ZMAT5: variants seen among roughly 807,000 people sequenced by gnomAD.
ZMAT5 encodes zinc finger matrin-type protein 5.
A neutral mutation model predicts 28.0 loss-of-function variants in ZMAT5; 23 were observed. The observed-to-expected ratio is 0.82, with a 90% CI of 0.59 to 1.16. The LOEUF (loss-of-function observed/expected upper bound fraction) is 1.16, where lower values mean the gene tolerates loss of function less well. Among genes scored for constraint, ZMAT5 ranks in the 50% most tolerant of loss-of-function variants. ZMAT5 has a pLI of 0.00. For synonymous variants in ZMAT5, 76 were observed against 84.1 expected, an observed-to-expected ratio of 0.90 and a Z score of 0.52; for missense variants, 173 against 212.7, an observed-to-expected ratio of 0.81 and a Z score of 1.16.
intron 1 of ZMAT5, among the ~76,000 whole-genome samples, chr22:29,763,313 A>AATAC (rs1204145120): frequency 1.3e-5 from 2 of 148,160 alleles, no homozygotes; most frequent in African/African-American, 2.5e-5. Flanking sequence ...TAAATAAATA[A>AATAC]ATAAATAAGG....
At chr22:29,744,603 T>C (rs1380840857) in intron 2 of ZMAT5, among the ~76,000 whole-genome samples, 1 of 152,078 alleles carries the variant, frequency 6.6e-6, no homozygotes, top group Admixed American at 6.5e-5. Context: ...CTGGGATGAC[T>C]GAGGCAGGCG....
intron 1 of ZMAT5, among the ~76,000 whole-genome samples, chr22:29,755,809 C>A (rs1210471666): frequency 6.6e-6 from 1 of 152,144 alleles, no homozygotes; most frequent in African/African-American, 2.4e-5. Flanking sequence ...TGCCATGGAC[C>A]CCCACATCCC....
intron 2 of ZMAT5, among the ~76,000 whole-genome samples, chr22:29,743,484 G>A (rs556420074): frequency 2.6e-5 from 4 of 152,208 alleles, no homozygotes; most frequent in Non-Finnish European, 5.9e-5. Flanking sequence ...AGGCTGGAGT[G>A]CAGCGGCATG....
chr22:29,764,374 G>C (rs2068187402), intron 1 of ZMAT5, among the ~76,000 whole-genome samples: 1 of 152,170 alleles, frequency 6.6e-6, no homozygotes, highest in South Asian at 2.1e-4. Flanking sequence ...TGGATGTAAA[G>C]CATTTCACAT....
intron 1 of ZMAT5, among the ~76,000 whole-genome samples, chr22:29,749,665 C>T (rs1237362337): frequency 6.6e-6 from 1 of 152,144 alleles, no homozygotes; most frequent in Admixed American, 6.5e-5. Context: ...GCTTTGTATC[C>T]CCACCCAAAT....
chr22:29,742,595 A>G, intron 2 of ZMAT5, 115 bp from the exon 3 acceptor site: 1 of 983,946 alleles, frequency 1.0e-6, no homozygotes, highest in South Asian at 1.4e-5. Flanking sequence ...GTGCAGAAAG[A>G]AGAGTTTCCT....
intron 1 of ZMAT5, among the ~76,000 whole-genome samples, chr22:29,758,250 G>T (rs1334504007): frequency 6.6e-6 from 1 of 152,198 alleles, no homozygotes; most frequent in African/African-American, 2.4e-5. Context: ...CCTCCCAAGA[G>T]ACTCAGCCAG....
intron 2 of ZMAT5, 65 bp from the exon 3 acceptor site, chr22:29,742,545 A>G: frequency 9.9e-6 from 15 of 1,509,034 alleles, no homozygotes; most frequent in Non-Finnish European, 1.4e-5. Context: ...CAGGAAGTGG[A>G]AGCCACAGGG....
intron 5 of ZMAT5, 24 bp downstream of exon 5, chr22:29,738,306 G>A (rs199518084): frequency 6.6e-4 from 1,054 of 1,601,892 alleles, no homozygotes; most frequent in Admixed American, 8.5e-4. Context: ...GGGCACAGCG[G>A]GAGGGAACCC....
At chr22:29,739,552 G>A (rs1443307419) in intron 4 of ZMAT5, among the ~76,000 whole-genome samples, 1 of 152,198 alleles carries the variant, frequency 6.6e-6, no homozygotes, top group Admixed American at 6.5e-5. Context: ...AGAGGACGTG[G>A]CAGAGCTGGG....
chr22:29,736,969 A>G (rs1247622902), intron 5 of ZMAT5, among the ~76,000 whole-genome samples: 4 of 151,278 alleles, frequency 2.6e-5, no homozygotes, highest in Non-Finnish European at 5.9e-5. Context: ...TGGAGTTTGC[A>G]ATGAGACAAT....
In ZMAT5 at chr22:29,754,322, C is replaced by T. The variant is rs559491669; in HGVS notation, c.-27-5751G>A. On this transcript the variant is annotated intron_variant, in intron 1 of 5. Transcript: ENST00000344318. ...GTGCCATCCACCCACTCCCAGGGAC[C>T]AGGTGCACGGCTGCAAAGGCATCTG... is the stretch of plus-strand genomic sequence containing the variant. Among the ~76,000 whole-genome samples, 7 of 152,362 alleles carry T rather than the reference C, an allele frequency of 4.6e-5. No homozygotes were observed. In the South Asian group the frequency reaches 1.4e-3, roughly 32 times the overall value.
chr22:29,744,047 T>C (rs1249714124), intron 2 of ZMAT5, among the ~76,000 whole-genome samples: 1 of 152,158 alleles, frequency 6.6e-6, no homozygotes, highest in Non-Finnish European at 1.5e-5. Context: ...GGGAGGATAG[T>C]TCCCACCTGG....
At chr22:29,739,387 C>T (rs575623723) in intron 4 of ZMAT5, among the ~76,000 whole-genome samples, 9 of 151,916 alleles carry the variant, frequency 5.9e-5, no homozygotes, top group African/African-American at 1.2e-4. Context: ...GGCCAGGCCT[C>T]GGTCTCTGGA....
intron 1 of ZMAT5, among the ~76,000 whole-genome samples, chr22:29,756,965 G>T (rs2068107337): frequency 6.6e-6 from 1 of 152,096 alleles, no homozygotes; most frequent in South Asian, 2.1e-4. Context: ...CTTGAACCTG[G>T]GAGGCGGAGG....
intron 1 of ZMAT5, among the ~76,000 whole-genome samples, chr22:29,766,557 C>T (rs1485437870): frequency 1.3e-5 from 2 of 152,228 alleles, no homozygotes; most frequent in Non-Finnish European, 2.9e-5. Flanking sequence ...CCAGGTACTC[C>T]AAAGCCCTTG....
At chr22:29,742,106 C>T (rs558903019) in intron 3 of ZMAT5, among the ~76,000 whole-genome samples, 6 of 152,316 alleles carry the variant, frequency 3.9e-5, no homozygotes, top group Admixed American at 3.9e-4. Flanking sequence ...GCCAGGTTCC[C>T]AGGCTAACTT....
intron 1 of ZMAT5, among the ~76,000 whole-genome samples, chr22:29,752,071 T>G (rs1329234009): frequency 6.6e-6 from 1 of 151,658 alleles, no homozygotes; most frequent in Non-Finnish European, 1.5e-5. Flanking sequence ...CCCCAAGAGG[T>G]GTGGATTATA....
chr22:29,751,007 CTTGATATATTAAA>C, intron 1 of ZMAT5, among the ~76,000 whole-genome samples: 1 of 152,338 alleles, frequency 6.6e-6, no homozygotes. Context: ...GACACGCACA[CTTGATATATTAAA>C]TTTGGCAGCT....
Sources: allele counts gnomAD v4.1 joint callset (sites outside exome capture counted in the v4.1 genomes callset), GRCh38; gene constraint gnomAD v4.1.1; transcripts MANE v1.5; gene names NCBI Gene and HGNC (gene_info 2026-07-23, HGNC 2026-07-21).